Variants in PHTF2 observed in about 807,000 individuals in gnomAD.
PHTF2 encodes the protein putative homeodomain transcription factor 2, also known as protein PHTF2.
A neutral mutation model predicts 101.2 loss-of-function variants in PHTF2; 60 were observed. The observed-to-expected ratio is 0.59, with a 90% CI of 0.48 to 0.73. The LOEUF (loss-of-function observed/expected upper bound fraction) is 0.73. PHTF2 is among the 30% of genes least tolerant of loss of function. The pLI is 0.00. For missense variants in PHTF2, 747 were observed against 908.7 expected, an observed-to-expected ratio of 0.82 and a Z score of 2.29; for synonymous variants, 311 against 307.3, an observed-to-expected ratio of 1.01 and a Z score of -0.13.
At chr7:77,801,025 G>A (rs769738571) in intron 1 of PHTF2, among the ~76,000 whole-genome samples, 1 of 152,106 alleles carries the variant, frequency 6.6e-6, no homozygotes, top group Non-Finnish European at 1.5e-5. Flanking sequence ...CTGCAAAACC[G>A]TAAATTGAAT....
chr7:77,951,827 T>G (rs542653045), intron 18 of PHTF2, 115 bp downstream of exon 17: 1 of 578,266 alleles, frequency 1.7e-6, no homozygotes, highest in Non-Finnish European at 3.1e-6. Context: ...CCAAGTTGTT[T>G]CCAAATTATA....
At chr7:77,949,787 A>G in exon 17 of PHTF2, 1 of 1,541,808 alleles carries the variant, frequency 6.5e-7, no homozygotes, top group Non-Finnish European at 8.9e-7. Flanking sequence ...CTTGGATCAG[A>G]AACAAGTAAA....
chr7:77,910,334 A>T (rs1282596453), exon 9 of PHTF2: 1 of 1,613,746 alleles, frequency 6.2e-7, no homozygotes, highest in East Asian at 2.2e-5. Flanking sequence ...GCAGTTCAGA[A>T]CCACGGTACA....
chr7:77,875,682 C>T (rs912157690), intron 3 of PHTF2, among the ~76,000 whole-genome samples: 3 of 151,932 alleles, frequency 2.0e-5, no homozygotes, highest in African/African-American at 4.8e-5. Flanking sequence ...CTCAGCCTCC[C>T]GAGTAGCTGG....
intron 1 of PHTF2, among the ~76,000 whole-genome samples, chr7:77,812,860 A>T (rs1779028310): frequency 6.6e-6 from 1 of 152,172 alleles, no homozygotes; most frequent in Non-Finnish European, 1.5e-5. Context: ...AAGTGCTGGG[A>T]TTACAGGTGT....
intron 12 of PHTF2, among the ~76,000 whole-genome samples, chr7:77,934,921 C>G (rs1417478365): frequency 4.6e-5 from 7 of 151,348 alleles, no homozygotes; most frequent in Non-Finnish European, 1.0e-4. Context: ...AACCACACTC[C>G]AGCCTGGGCA....
At chr7:77,920,635 T>A (rs1460993063) in intron 10 of PHTF2, among the ~76,000 whole-genome samples, 170 bp downstream of exon 9, 1 of 152,204 alleles carries the variant, frequency 6.6e-6, no homozygotes, top group Admixed American at 6.5e-5. Flanking sequence ...TGATTAAACT[T>A]GATTGACAAT....
At chr7:77,940,750 A>G (rs1233364980) in intron 15 of PHTF2, 91 bp downstream of exon 14, 3 of 879,562 alleles carry the variant, frequency 3.4e-6, no homozygotes, top group East Asian at 2.8e-5. Flanking sequence ...CTCTAGATGT[A>G]TAGTAACCAG....
intron 1 of PHTF2, among the ~76,000 whole-genome samples, chr7:77,832,205 C>A (rs1795127160): frequency 6.6e-6 from 1 of 152,160 alleles, no homozygotes; most frequent in Non-Finnish European, 1.5e-5. Context: ...AAAGTGGCTG[C>A]ATTCAAAGCC....
In PHTF2 at chr7:77,951,744, C is replaced by A; in HGVS notation, c.2211+32C>A. 3 of 859,944 alleles carry A rather than the reference C, an allele frequency of 3.5e-6. No homozygotes were observed. In the South Asian group the frequency reaches 5.0e-5, roughly 14 times the overall value. 53.3% of individuals were successfully genotyped at this position (859,944 alleles called of 1,614,324 possible). A position where few individuals can be genotyped will look rare whatever the true frequency, so the allele number is the denominator to read the frequency against. On this transcript the variant is annotated intron_variant, in intron 18 of 19. Transcript: ENST00000416283. ...ATAGAACTGAAAATGGTTATAATGT[C>A]AAATATGCTGTTCTGACATAATTTT...
chr7:77,819,975 C>T (rs62460745), intron 1 of PHTF2, among the ~76,000 whole-genome samples: 17 of 152,102 alleles, frequency 1.1e-4, no homozygotes, highest in Admixed American at 3.9e-4. Flanking sequence ...CTGCAACTTC[C>T]GCCTCCCAGG....
chr7:77,892,443 T>A (rs192523675), intron 3 of PHTF2, among the ~76,000 whole-genome samples: 61 of 152,290 alleles, frequency 4.0e-4, no homozygotes, highest in Admixed American at 8.5e-4. Context: ...ATTAAAGGAC[T>A]TTAGGGTAAA....
chr7:77,829,258 A>G (rs2150545659), intron 1 of PHTF2, among the ~76,000 whole-genome samples: 1 of 152,342 alleles, frequency 6.6e-6, no homozygotes, highest in African/African-American at 2.4e-5. Flanking sequence ...GTACGGGTAT[A>G]GAGAGATGTT....
chr7:77,925,832 C>T (rs1373238569), intron 11 of PHTF2, among the ~76,000 whole-genome samples: 2 of 151,892 alleles, frequency 1.3e-5, no homozygotes, highest in African/African-American at 4.8e-5. Flanking sequence ...CTGAGGCGGG[C>T]AGATCACGAG....
intron 7 of PHTF2, among the ~76,000 whole-genome samples, chr7:77,907,549 G>A (rs1801980380): frequency 6.6e-6 from 1 of 152,116 alleles, no homozygotes; most frequent in Admixed American, 6.5e-5. Flanking sequence ...GTCCCAGTTT[G>A]CCTGGGATTG....
At chr7:77,815,950 A>G (rs766926408) in intron 1 of PHTF2, among the ~76,000 whole-genome samples, 1 of 151,856 alleles carries the variant, frequency 6.6e-6, no homozygotes. Flanking sequence ...CTCTGTTCTC[A>G]TGTATGTATG....
intron 3 of PHTF2, among the ~76,000 whole-genome samples, chr7:77,863,955 T>G (rs913425927): frequency 1.3e-5 from 2 of 151,972 alleles, no homozygotes; most frequent in Non-Finnish European, 2.9e-5. Flanking sequence ...TTTAAAAAAA[T>G]TTTCTGTAGG....
intron 16 of PHTF2, among the ~76,000 whole-genome samples, chr7:77,947,837 C>CTTTTTTTTTTTTT (rs71082798): frequency 0.018 from 1,334 of 73,692 alleles, 240 homozygotes; most frequent in Non-Finnish European, 0.021. Context: ...TTTTTTCTTT[C>CTTTTTTTTTTTTT]TTTTTTTTTT....
chr7:77,851,020 A>G (rs1467953641), intron 2 of PHTF2, among the ~76,000 whole-genome samples: 2 of 152,074 alleles, frequency 1.3e-5, no homozygotes, highest in Non-Finnish European at 1.5e-5. Flanking sequence ...TCGGTTTGCT[A>G]TTGTGTTGAG....
Sources: allele counts gnomAD v4.1 joint callset (sites outside exome capture counted in the v4.1 genomes callset), GRCh38; gene constraint gnomAD v4.1.1; transcripts MANE v1.5; gene names NCBI Gene and HGNC (gene_info 2026-07-23, HGNC 2026-07-21).